Variants in SAXO2 observed in about 807,000 individuals in gnomAD.
SAXO2 encodes stabilizer of axonemal microtubules 2.
A neutral mutation model predicts 18.7 loss-of-function variants in SAXO2; 17 were observed. The ratio of observed to expected loss-of-function variants is 0.91; its 90% CI spans 0.62 to 1.36. The LOEUF is 1.36. Ranked by LOEUF, SAXO2 falls within the 40% of genes most tolerant of loss-of-function variation. SAXO2 has a pLI of 0.00. For synonymous variants in SAXO2, 163 were observed against 181.2 expected, an observed-to-expected ratio of 0.90 and a Z score of 0.81; for missense variants, 486 against 562.6, an observed-to-expected ratio of 0.86 and a Z score of 1.38.
chr15:82,266,631 C>T (rs980065264), intron 2 of SAXO2, among the ~76,000 whole-genome samples: 11 of 152,056 alleles, frequency 7.2e-5, no homozygotes, highest in Admixed American at 7.2e-4. Context: ...TGTAGTTTTC[C>T]TTCCCTCTCC....
chr15:82,277,058 T>C (rs918165254), intron 3 of SAXO2, among the ~76,000 whole-genome samples: 3 of 152,228 alleles, frequency 2.0e-5, no homozygotes, highest in African/African-American at 7.2e-5. Flanking sequence ...GGTTCTTCCA[T>C]GCTAGAAGTG....
Position 82,282,450 on chromosome 15 carries a change from T to C in SAXO2, c.765T>C (p.Thr255=), listed in dbSNP as rs1165167787. 4.3e-6 allele frequency: 7 copies of C among 1,614,056 alleles called. No individual in the cohort carries two copies. Among genetic ancestry groups the C allele is most frequent in the Non-Finnish European group, 5.9e-6 (7 of 1,180,044 alleles). The change falls in exon 4 of 4, where the codon ACT becomes ACC. Residue 255 remains threonine, a synonymous_variant. Transcript: ENST00000682753. ...RCDFQGLIGE[T]AKLCRPVHTR... ...ACTTTCAGGGTCTCATTGGTGAAAC[T>C]GCAAAACTCTGCAGACCTGTACACA...
chr15:82,282,986 G>A lies in SAXO2; in HGVS notation c.1301G>A (p.Gly434Asp), dbSNP rs1365118664. 1.2e-6 allele frequency: 2 copies of A among 1,614,012 alleles called. No homozygotes were observed. The highest frequency in any genetic ancestry group is 8.5e-7 in the Non-Finnish European group (1 of 1,179,990). ...CCAGCCAGCTATCCCTCTCCTCCAG[G>A]TTATATTTTCGACAATACAAATTCC... The part of the protein sequence containing the change: ...ICPASYPSPP[G>D]YIFDNTNSQG... Residue 434 changes from glycine to aspartate, a missense_variant, in exon 4 of 4, where the codon GGT becomes GAT. By Grantham distance (94) the Gly-to-Asp change is moderately conservative. Coordinates refer to ENST00000682753, the MANE Select transcript of SAXO2 (RefSeq NM_001348699.2).
In SAXO2 at chr15:82,278,172, A is replaced by C. The variant is rs142190653; in HGVS notation, c.434-3947A>C. ...AAGACAAAGGAAAAACAAGAAGAAGAAGCAAAATAAAACCAAACCTTGAAC... is the reference window on the plus strand; with the variant it reads ...AAGACAAAGGAAAAACAAGAAGAAGCAGCAAAATAAAACCAAACCTTGAAC... On this transcript the variant is annotated intron_variant, in intron 3 of 3. Coordinates refer to ENST00000682753, the MANE Select transcript of SAXO2 (RefSeq NM_001348699.2). 2.9e-3 allele frequency among the ~76,000 whole-genome samples: 447 copies of C among 152,314 alleles called. 1 individual carries two copies. Among genetic ancestry groups the C allele is most frequent in the African/African-American group, 9.2e-3 (382 of 41,580 alleles).
At chr15:82,269,606 G>A (rs940104819) in intron 2 of SAXO2, among the ~76,000 whole-genome samples, 6 of 152,040 alleles carry the variant, frequency 3.9e-5, no homozygotes, top group African/African-American at 1.4e-4. Context: ...GGTGGACTTG[G>A]GGAGGAAGAA....
intron 3 of SAXO2, among the ~76,000 whole-genome samples, chr15:82,275,614 G>A (rs777818303): frequency 1.3e-5 from 2 of 152,082 alleles, no homozygotes. Context: ...ATGCAAGGAT[G>A]GTCCAACATA....
Position 82,283,288 on chromosome 15 carries a change from T to A in SAXO2, c.*226T>A. The stretch of plus-strand genomic sequence containing the variant: ...GTGCATTTCAGAAGGTTGAATAATA[T>A]GCATTCCCATGAGAACTATTTTAGT... On this transcript the variant is annotated 3_prime_UTR_variant, in exon 4 of 4. Transcript: ENST00000682753. 1 of 311,654 alleles carries A rather than the reference T, an allele frequency of 3.2e-6. No individual in the cohort carries two copies. Among genetic ancestry groups the A allele is most frequent in the African/African-American group, 2.2e-5 (1 of 45,810 alleles). The allele number at this position is 311,654 out of a possible 1,614,324, so 19.3% of individuals were successfully genotyped here. A position where few individuals can be genotyped will look rare whatever the true frequency, so the allele number is the denominator to read the frequency against.
At chr15:82,270,170 G>A (rs2075257537) in intron 2 of SAXO2, among the ~76,000 whole-genome samples, 1 of 152,152 alleles carries the variant, frequency 6.6e-6, no homozygotes, top group Admixed American at 6.6e-5. Flanking sequence ...CTAAGTTGTG[G>A]GAGTAGAAGA....
chr15:82,263,157 A>G, intron 1 of SAXO2: 1 of 1,454,436 alleles, frequency 6.9e-7, no homozygotes, highest in Non-Finnish European at 9.0e-7. Context: ...ACTCCCAATC[A>G]AGGATGCAAA....
intron 3 of SAXO2, among the ~76,000 whole-genome samples, chr15:82,276,776 A>G (rs561822054): frequency 7.2e-5 from 11 of 152,318 alleles, no homozygotes; most frequent in South Asian, 6.2e-4. Context: ...CAAATTAACA[A>G]TGTTTTCAGA....
intron 3 of SAXO2, among the ~76,000 whole-genome samples, chr15:82,277,635 T>G (rs544061712): frequency 6.6e-6 from 1 of 152,286 alleles, no homozygotes; most frequent in Non-Finnish European, 1.5e-5. Flanking sequence ...AAATCATAAA[T>G]GTTTATGAAT....
chr15:82,267,465 T>A (rs2075230277), intron 2 of SAXO2, among the ~76,000 whole-genome samples: 1 of 152,192 alleles, frequency 6.6e-6, no homozygotes, highest in Non-Finnish European at 1.5e-5. Context: ...CCAGCTTCAC[T>A]TTTCCCCTTA....
intron 3 of SAXO2, among the ~76,000 whole-genome samples, chr15:82,281,663 C>CT (rs1487170039): frequency 6.6e-6 from 1 of 152,078 alleles, no homozygotes; most frequent in Admixed American, 6.6e-5. Context: ...ACCTGTATTA[C>CT]TTTTGCCCAC....
intron 1 of SAXO2, chr15:82,263,198 A>G (rs1330522609): frequency 3.4e-6 from 5 of 1,455,544 alleles, no homozygotes; most frequent in Non-Finnish European, 4.5e-6. Flanking sequence ...GGTAAGTAAT[A>G]TATGTGAAGC....
chr15:82,274,664 T>C (rs556631728), intron 3 of SAXO2, among the ~76,000 whole-genome samples: 44 of 147,492 alleles, frequency 3.0e-4, no homozygotes, highest in Non-Finnish European at 5.5e-4. Context: ...ATTGCACCAC[T>C]GCACTCCAGC....
intron 3 of SAXO2, among the ~76,000 whole-genome samples, chr15:82,274,706 A>G (rs2075299726): frequency 6.6e-6 from 1 of 151,590 alleles, no homozygotes; most frequent in Non-Finnish European, 1.5e-5. Context: ...TGTCTCAAAA[A>G]AAAAAAAAAA....
Position 82,281,973 on chromosome 15 carries a change from A to T in SAXO2, c.434-146A>T. Reference sequence around the variant, plus strand: ...AAAAAGAACGAATCTGAAAGGAATCAGAGAAACTGTATTCTGATACTATTG... The same window carrying T: ...AAAAAGAACGAATCTGAAAGGAATCTGAGAAACTGTATTCTGATACTATTG... On this transcript the variant is annotated intron_variant, in intron 3 of 3. Coordinates refer to ENST00000682753, the MANE Select transcript of SAXO2 (RefSeq NM_001348699.2). The T allele has an allele frequency of 1.0e-5, 7 of 698,746 alleles. No individual in the cohort carries two copies. In the South Asian group the frequency reaches 1.2e-4, roughly 12 times the overall value. The allele number at this position is 698,746 out of a possible 1,614,324, so 43.3% of individuals were successfully genotyped here.
At chr15:82,276,859 T>C (rs1191526080) in intron 3 of SAXO2, among the ~76,000 whole-genome samples, 1 of 152,174 alleles carries the variant, frequency 6.6e-6, no homozygotes, top group Non-Finnish European at 1.5e-5. Flanking sequence ...AGGAAACTTA[T>C]TCCAGATAGA....
chr15:82,269,425 G>A (rs967130548), intron 2 of SAXO2, among the ~76,000 whole-genome samples: 8 of 152,194 alleles, frequency 5.3e-5, no homozygotes, highest in African/African-American at 1.4e-4. Flanking sequence ...GGAGAAAATT[G>A]TCAAAGAAAG....
Sources: gnomAD v4.1 joint callset for allele counts (sites outside exome capture counted in the v4.1 genomes callset) on GRCh38, gnomAD v4.1.1 for gene constraint, MANE v1.5 for transcripts, NCBI Gene and HGNC (gene_info 2026-07-23, HGNC 2026-07-21) for gene names.